The following LHFPL3 variants were observed in gnomAD, a reference collection of about 807,000 sequenced individuals.
LHFPL3 encodes LHFPL tetraspan subfamily member 3.
Under a neutral mutation model 19.3 loss-of-function variants are expected in LHFPL3, and 5 were observed. The observed-to-expected ratio is 0.26, with a 90% CI of 0.14 to 0.54. LHFPL3 has a LOEUF of 0.54. Ranked by LOEUF, LHFPL3 falls within the 20% of genes least tolerant of loss-of-function variation. LHFPL3 has a pLI of 0.94. For synonymous variants in LHFPL3, 133 were observed against 126.2 expected, an observed-to-expected ratio of 1.05 and a Z score of -0.36; for missense variants, 249 against 307.4, an observed-to-expected ratio of 0.81 and a Z score of 1.42.
intron 2 of LHFPL3, among the ~76,000 whole-genome samples, chr7:104,740,364 A>G (rs371491374): frequency 2.9e-4 from 44 of 152,220 alleles, no homozygotes; most frequent in African/African-American, 9.9e-4. Flanking sequence ...ATTGTAGAAT[A>G]TGCCCCTAAT....
chr7:104,845,457 C>T, intron 2 of LHFPL3: 1 of 1,534,980 alleles, frequency 6.5e-7, no homozygotes, highest in Non-Finnish European at 8.7e-7. Flanking sequence ...TTTGTGGGTT[C>T]AGCTCTGTTT....
chr7:104,550,040 A>T (rs139840579), intron 1 of LHFPL3, among the ~76,000 whole-genome samples: 60 of 152,262 alleles, frequency 3.9e-4, no homozygotes, highest in African/African-American at 1.4e-3. Flanking sequence ...CCAAATCTGC[A>T]GGACGAGCCA....
chr7:104,351,934 T>A (rs1001480305), intron 1 of LHFPL3, among the ~76,000 whole-genome samples: 4 of 152,122 alleles, frequency 2.6e-5, no homozygotes, highest in Admixed American at 6.5e-5. Flanking sequence ...GGCAGTGGCT[T>A]ATGCCTGTAA....
chr7:104,338,442 C>A (rs1050211402), intron 1 of LHFPL3, among the ~76,000 whole-genome samples: 1 of 152,024 alleles, frequency 6.6e-6, no homozygotes, highest in Non-Finnish European at 1.5e-5. Flanking sequence ...TAAACACATA[C>A]GTGTGTGTGG....
chr7:104,883,779 T>C (rs1408763903), intron 2 of LHFPL3, among the ~76,000 whole-genome samples: 2 of 152,234 alleles, frequency 1.3e-5, no homozygotes, highest in African/African-American at 4.8e-5. Flanking sequence ...CATATTTCCC[T>C]GCTGGGGAGC....
chr7:104,609,305 T>G (rs1791168196), intron 1 of LHFPL3, among the ~76,000 whole-genome samples: 1 of 152,062 alleles, frequency 6.6e-6, no homozygotes, highest in South Asian at 2.1e-4. Context: ...ACAGTTAGTT[T>G]TATTATCTTA....
intron 1 of LHFPL3, among the ~76,000 whole-genome samples, chr7:104,640,375 G>T (rs1189875668): frequency 6.6e-6 from 1 of 152,146 alleles, no homozygotes; most frequent in Non-Finnish European, 1.5e-5. Context: ...TGTGGTGTTT[G>T]GTTTTCTGTT....
intron 2 of LHFPL3, among the ~76,000 whole-genome samples, chr7:104,903,741 C>T (rs1336978374): frequency 6.6e-6 from 1 of 152,144 alleles, no homozygotes; most frequent in Non-Finnish European, 1.5e-5. Flanking sequence ...GCTGGGATTG[C>T]AGGCATGAGC....
intron 1 of LHFPL3, among the ~76,000 whole-genome samples, chr7:104,575,219 A>G (rs1003226700): frequency 2.0e-5 from 3 of 152,160 alleles, no homozygotes; most frequent in African/African-American, 7.2e-5. Context: ...CCAATTAACC[A>G]CTGAACCAGA....
chr7:104,586,680 A>G (rs1790585413), intron 1 of LHFPL3, among the ~76,000 whole-genome samples: 3 of 152,200 alleles, frequency 2.0e-5, no homozygotes, highest in Non-Finnish European at 2.9e-5. Flanking sequence ...TTTCAAAATT[A>G]GCATTGTCTA....
chr7:104,483,191 C>A (rs552559722), intron 1 of LHFPL3, among the ~76,000 whole-genome samples: 2 of 152,144 alleles, frequency 1.3e-5, no homozygotes, highest in African/African-American at 4.8e-5. Context: ...AAACAGGAAC[C>A]AGTCATTTGT....
chr7:104,541,111 C>CAG (rs1245695675), intron 1 of LHFPL3, among the ~76,000 whole-genome samples: 1 of 137,336 alleles, frequency 7.3e-6, no homozygotes, highest in African/African-American at 3.3e-5. Flanking sequence ...ATGACACACA[C>CAG]ACACACACAC....
At chr7:104,772,254 G>A (rs760368440) in intron 2 of LHFPL3, among the ~76,000 whole-genome samples, 1 of 152,006 alleles carries the variant, frequency 6.6e-6, no homozygotes, top group African/African-American at 2.4e-5. Flanking sequence ...AACAAATTTC[G>A]TTACCTCCAT....
chr7:104,367,533 T>TG (rs1366066902), intron 1 of LHFPL3, among the ~76,000 whole-genome samples: 4 of 152,214 alleles, frequency 2.6e-5, no homozygotes, highest in African/African-American at 9.6e-5. Flanking sequence ...TTTATGGCTT[T>TG]GGGGTATAGA....
At chr7:104,341,147 T>C (rs1789942353) in intron 1 of LHFPL3, among the ~76,000 whole-genome samples, 1 of 152,220 alleles carries the variant, frequency 6.6e-6, no homozygotes, top group Non-Finnish European at 1.5e-5. Flanking sequence ...CTATAATACA[T>C]TGAAAATTAG....
chr7:104,853,840 A>G (rs1011961446), intron 2 of LHFPL3, among the ~76,000 whole-genome samples: 6 of 152,154 alleles, frequency 3.9e-5, no homozygotes, highest in African/African-American at 1.2e-4. Context: ...CCTCTATACA[A>G]TGTTAGAGGT....
intron 1 of LHFPL3, among the ~76,000 whole-genome samples, chr7:104,521,105 A>C (rs1794049572): frequency 6.6e-6 from 1 of 151,746 alleles, no homozygotes; most frequent in African/African-American, 2.4e-5. Flanking sequence ...ATTTCCCTCT[A>C]CACACTGCTT....
chr7:104,592,014 G>A (rs1001598280), intron 1 of LHFPL3, among the ~76,000 whole-genome samples: 5 of 152,034 alleles, frequency 3.3e-5, no homozygotes, highest in African/African-American at 9.7e-5. Flanking sequence ...TTAGCCATTC[G>A]TCTAATCTTT....
At position 104,903,663 on chromosome 7, in the gene LHFPL3, G is replaced by A. The variant is rs570033083; in HGVS notation, c.683-2524G>A. 1.2e-3 allele frequency among the ~76,000 whole-genome samples: 185 copies of A among 151,726 alleles called. 1 individual carries two copies. Among genetic ancestry groups the A allele is most frequent in the Non-Finnish European group, 1.4e-3 (96 of 67,868 alleles). On this transcript the variant is annotated intron_variant, in intron 2 of 2. Coordinates refer to ENST00000424859, the MANE Select transcript of LHFPL3 (RefSeq NM_199000.3). ...GTATTTTTAGTAGAGATGGGTTTTC[G>A]CCATATTGACCAGGCTGGTCTCGAA...
Sources: gnomAD v4.1 joint callset for allele counts (sites outside exome capture counted in the v4.1 genomes callset) on GRCh38, gnomAD v4.1.1 for gene constraint, MANE v1.5 for transcripts, NCBI Gene and HGNC (gene_info 2026-07-23, HGNC 2026-07-21) for gene names.